Variants in CEP131 observed in about 807,000 individuals in gnomAD.
CEP131 encodes the protein centrosomal protein of 131 kDa.
A neutral mutation model predicts 136.8 loss-of-function variants in CEP131; 99 were observed. That is an observed-to-expected ratio of 0.72 (90% CI 0.62 to 0.86). CEP131 has a LOEUF of 0.86. Among genes scored for constraint, CEP131 ranks in the 40% least tolerant of loss-of-function variants. CEP131 has a pLI of 0.00. For synonymous variants in CEP131, 646 were observed against 612.7 expected (o/e 1.05, Z -0.80); for missense variants, 1,459 against 1,463.0 (o/e 1.00, Z 0.04).
At position 81,202,308 on chromosome 17, in the gene CEP131, G is replaced by A. The variant is rs1417822166; in HGVS notation, c.720C>T (p.Ala240=). The stretch of plus-strand genomic sequence containing the variant: ...CCGTGCTGCCCCCAGTATTGTTCCG[G>A]GCTGAGTGGGTGGCACTGGAGACAT... ...PKNVSSATHS[A]RNNTGGSTGL... is the part of the protein sequence containing the mutation. Residue 240 remains alanine, a synonymous_variant, in exon 7 of 26, where the codon GCC becomes GCT. Transcript: ENST00000450824. 1 of 1,613,520 alleles carries A rather than the reference G, an allele frequency of 6.2e-7. No individual in the cohort carries two copies. Among genetic ancestry groups the A allele is most frequent in the East Asian group, 2.2e-5 (1 of 44,850 alleles).
At chr17:81,196,093 C>T (rs1034287976) in intron 15 of CEP131, 142 bp from the exon 16 acceptor site, 14 of 652,220 alleles carry the variant, frequency 2.1e-5, no homozygotes, top group Non-Finnish European at 3.7e-5. Context: ...GTGGATGGAC[C>T]CTGGGGCCAG....
At chr17:81,212,937 T>G (rs9892075) in intron 2 of CEP131, among the ~76,000 whole-genome samples, 2 of 151,862 alleles carry the variant, frequency 1.3e-5, no homozygotes, top group Non-Finnish European at 2.9e-5. Context: ...AACAGCCCAG[T>G]AGGGACAAGC....
intron 18 of CEP131, among the ~76,000 whole-genome samples, 161 bp from the exon 19 acceptor site, chr17:81,193,004 C>G (rs1368906676): frequency 6.6e-6 from 1 of 152,258 alleles, no homozygotes; most frequent in Non-Finnish European, 1.5e-5. Flanking sequence ...CTCAAAGCCA[C>G]CGCCCGGGGG....
chr17:81,195,246 T>C (rs1004002167), intron 16 of CEP131, among the ~76,000 whole-genome samples: 3 of 152,230 alleles, frequency 2.0e-5, no homozygotes, highest in Non-Finnish European at 2.9e-5. Context: ...AGAGGGGTGC[T>C]GCTGCCTGTC....
chr17:81,197,628 G>A (rs11150775), intron 13 of CEP131, 84 bp downstream of exon 13: 5 of 1,494,548 alleles, frequency 3.3e-6, no homozygotes, highest in East Asian at 2.4e-5. Context: ...GGCTGGTGAG[G>A]GGCCTCCTCC....
chr17:81,212,554 G>C (rs2062157449), intron 2 of CEP131, among the ~76,000 whole-genome samples: 1 of 147,940 alleles, frequency 6.8e-6, no homozygotes, highest in Non-Finnish European at 1.5e-5. Flanking sequence ...CCTGTGCAGA[G>C]GGGCTGTCCC....
At chr17:81,210,529 C>T (rs994787785) in intron 2 of CEP131, among the ~76,000 whole-genome samples, 6 of 152,060 alleles carry the variant, frequency 3.9e-5, no homozygotes, top group Non-Finnish European at 8.8e-5. Context: ...GAGATTGGGC[C>T]ACGGCACTCC....
Position 81,219,292 on chromosome 17 carries a change from C to CT in CEP131, c.177+587dup, listed in dbSNP as rs1342180490. 0.021 allele frequency among the ~76,000 whole-genome samples: 1,426 copies of CT among 68,288 alleles called. 19 individuals are homozygous for CT. The highest frequency in any genetic ancestry group is 0.087 in the East Asian group (248 of 2,864). 44.8% of individuals were successfully genotyped at this position (68,288 alleles called of 152,430 possible). On this transcript the variant is annotated intron_variant, in intron 2 of 25. Coordinates refer to ENST00000450824, the MANE Select transcript of CEP131 (RefSeq NM_014984.4). This position sits in a 1 kb window ranked among gnomAD's most constrained non-coding sequence, Gnocchi z 4.0. ...CCCTCCCCACAGGTCAACCCCATTTCTTTCTTTTTTTTTTTTTTTTGAGAT... is the reference window on the plus strand; with the variant it reads ...CCCTCCCCACAGGTCAACCCCATTTCTTTTCTTTTTTTTTTTTTTTTGAGAT...
intron 5 of CEP131, among the ~76,000 whole-genome samples, chr17:81,205,443 G>GT: frequency 3.0e-5 from 2 of 66,736 alleles, no homozygotes; most frequent in African/African-American, 1.6e-4. Flanking sequence ...GGGGGTAGGA[G>GT]GGGTGGGGGG....
intron 2 of CEP131, among the ~76,000 whole-genome samples, chr17:81,216,391 C>T (rs1386485224): frequency 6.6e-6 from 1 of 151,956 alleles, no homozygotes; most frequent in African/African-American, 2.4e-5. Context: ...ATTAGCTGGG[C>T]AGGGTGGTGA....
At chr17:81,196,069 C>A in intron 15 of CEP131, 118 bp from the exon 16 acceptor site, 2 of 801,242 alleles carry the variant, frequency 2.5e-6, no homozygotes, top group Non-Finnish European at 4.0e-6. Flanking sequence ...CCTGGGGCTG[C>A]CCCTCCTAGG....
At chr17:81,200,527 C>A (rs149451770) in intron 7 of CEP131, 81 bp from the exon 8 acceptor site, 27,845 of 1,094,088 alleles carry the variant, frequency 0.025, 683 homozygotes, top group Admixed American at 0.12. Flanking sequence ...GAAGGTCGAG[C>A]CGGGGAAGAG....
intron 19 of CEP131, 51 bp downstream of exon 19, chr17:81,192,685 G>GGGGGGGGGGGCCCCC: frequency 1.0e-5 from 5 of 478,410 alleles, no homozygotes; most frequent in Non-Finnish European, 2.0e-5. Flanking sequence ...GGGGGGAGGG[G>GGGGGGGGGGGCCCCC]TCAGCCAGCG....
intron 22 of CEP131, 23 bp from the exon 23 acceptor site, chr17:81,191,107 G>C (rs1469631761): frequency 6.3e-7 from 1 of 1,599,876 alleles, no homozygotes; most frequent in Non-Finnish European, 8.5e-7. Context: ...GGAGGGCAGG[G>C]TCACTCCAGC....
chr17:81,190,574 T>C, intron 24 of CEP131, 65 bp downstream of exon 24: 1 of 1,446,456 alleles, frequency 6.9e-7, no homozygotes, highest in Non-Finnish European at 9.1e-7. Flanking sequence ...GGCTTGGAGC[T>C]GCAGAGGTCC....
chr17:81,202,680 G>A (rs2061919886), intron 6 of CEP131, among the ~76,000 whole-genome samples: 1 of 152,228 alleles, frequency 6.6e-6, no homozygotes, highest in African/African-American at 2.4e-5. Context: ...TACATTGAGA[G>A]GCTGGGTGCC....
Position 81,207,294 on chromosome 17 carries a change from C to G in CEP131, c.273-55G>C. Reference sequence around the variant, plus strand: ...AAAGAGTCACCAGCCGGGAAGCCGACGCTAGGCACACAGACCAGGCAGGTC... The same window carrying G: ...AAAGAGTCACCAGCCGGGAAGCCGAGGCTAGGCACACAGACCAGGCAGGTC... On this transcript the variant is annotated intron_variant, in intron 3 of 25. Coordinates refer to ENST00000450824, the MANE Select transcript of CEP131 (RefSeq NM_014984.4). The G allele has an allele frequency of 2.0e-6, 3 of 1,525,878 alleles. 1 individual carries two copies. In the South Asian group the frequency reaches 3.4e-5, roughly 17 times the overall value. 94.5% of individuals were successfully genotyped at this position (1,525,878 alleles called of 1,614,324 possible). A position where few individuals can be genotyped will look rare whatever the true frequency, so the allele number is the denominator to read the frequency against.
chr17:81,207,217 G>A lies in CEP131; in HGVS notation c.295C>T (p.Leu99=). Residue 99 remains leucine, a synonymous_variant, in exon 4 of 26, where the codon CTG becomes TTG. Transcript: ENST00000450824. The part of the protein sequence containing the change: ...SPRPTEPTDF[L]MLFEGSPSGK... ...CTGGGGCTGCCCTCGAAGAGCATCA[G>A]GAAGTCTGTGGGCTCCGTTGGCCTG... 1 of 1,613,558 alleles carries A rather than the reference G, an allele frequency of 6.2e-7. No individual in the cohort carries two copies. Among genetic ancestry groups the A allele is most frequent in the Non-Finnish European group, 8.5e-7 (1 of 1,179,960 alleles).
chr17:81,206,101 C>T (rs944184613), intron 5 of CEP131, among the ~76,000 whole-genome samples: 1 of 151,984 alleles, frequency 6.6e-6, no homozygotes, highest in African/African-American at 2.4e-5. Flanking sequence ...ATAATCTCAG[C>T]TACTCGGGAG....
Sources: allele counts gnomAD v4.1 joint callset (sites outside exome capture counted in the v4.1 genomes callset), GRCh38; gene constraint gnomAD v4.1.1; non-coding constraint Gnocchi (gnomAD v3.1); transcripts MANE v1.5; gene names NCBI Gene and HGNC (gene_info 2026-07-23, HGNC 2026-07-21).